Variants in IKBKB observed in about 807,000 individuals in gnomAD.
The protein encoded by IKBKB is inhibitor of nuclear factor kappa-B kinase subunit beta.
A neutral mutation model predicts 113.6 loss-of-function variants in IKBKB; 42 were observed. The observed-to-expected ratio is 0.37, with a 90% CI of 0.29 to 0.48. IKBKB has a LOEUF of 0.48. Among genes scored for constraint, IKBKB ranks in the 20% least tolerant of loss-of-function variants. The pLI, the probability that IKBKB is intolerant of heterozygous loss-of-function variation, is 0.99. For missense variants in IKBKB, 673 were observed against 939.7 expected (o/e 0.72, Z 3.71); for synonymous variants, 296 against 361.3 (o/e 0.82, Z 2.05).
intron 2 of IKBKB, among the ~76,000 whole-genome samples, chr8:42,283,914 G>T (rs923311640): frequency 2.6e-5 from 4 of 152,140 alleles, no homozygotes; most frequent in African/African-American, 4.8e-5. Context: ...AGTGTCCATG[G>T]AAATGTTGCA....
In IKBKB at chr8:42,314,414, C is replaced by T. The variant is rs755044020; in HGVS notation, c.785C>T (p.Pro262Leu). 4 of 1,603,446 alleles carry T rather than the reference C, an allele frequency of 2.5e-6. No homozygotes were observed. The highest frequency in any genetic ancestry group is 2.2e-5 in the East Asian group (1 of 44,822). Residue 262 changes from proline (P) to leucine (L), a missense_variant, in exon 9 of 22, where the codon CCC becomes CTC. Physicochemically the swap from Pro to Leu is moderately conservative, Grantham distance 98. Coordinates refer to ENST00000520810, the MANE Select transcript of IKBKB (RefSeq NM_001556.3). ...TVKFSSSLPYPNNLNSVLAER... is the reference protein window; with the variant it reads ...TVKFSSSLPYLNNLNSVLAER... ...AAGTTTTCAAGCTCTTTACCCTACCCCAATAATCTTAACAGGTAAGGCACA... is the reference window on the plus strand; with the variant it reads ...AAGTTTTCAAGCTCTTTACCCTACCTCAATAATCTTAACAGGTAAGGCACA...
At chr8:42,293,298 C>A in intron 4 of IKBKB, 145 bp from the exon 5 acceptor site, 2 of 913,392 alleles carry the variant, frequency 2.2e-6, no homozygotes, top group Non-Finnish European at 3.4e-6. Flanking sequence ...GCTAGTTCTG[C>A]AGCCCTGGCT....
chr8:42,321,981 T>C (rs199662634), intron 17 of IKBKB, 36 bp downstream of exon 17: 1 of 1,609,370 alleles, frequency 6.2e-7, no homozygotes, highest in Non-Finnish European at 8.5e-7. Context: ...GGGCTTCTCC[T>C]TATCTCATTT....
Position 42,331,030 on chromosome 8 carries a change from G to A in IKBKB, c.*51G>A, listed in dbSNP as rs749599516. On this transcript the variant is annotated 3_prime_UTR_variant, in exon 22 of 22. Coordinates refer to ENST00000520810, the MANE Select transcript of IKBKB (RefSeq NM_001556.3). Reference sequence around the variant, plus strand: ...TGGGGCAGCCCATAGCAGGCCTTGTGCAGTGGGGGGACTCGACCCCCTGAC... The same window carrying A: ...TGGGGCAGCCCATAGCAGGCCTTGTACAGTGGGGGGACTCGACCCCCTGAC... 4.4e-6 allele frequency: 7 copies of A among 1,599,056 alleles called. No individual in the cohort carries two copies. In the East Asian group the frequency reaches 1.6e-4, roughly 36 times the overall value.
Position 42,295,589 on chromosome 8 carries a change from G to A in IKBKB, c.388+2077G>A, listed in dbSNP as rs530824121. 1.9e-3 allele frequency among the ~76,000 whole-genome samples: 296 copies of A among 152,296 alleles called. 3 individuals are homozygous for A. In the Middle Eastern group the frequency reaches 0.024, roughly 12 times the overall value. ...AAAACACAAAAATTAGCTGGGCATG[G>A]TGACGGGCGCCTGTAATCCCAGCTA... is the stretch of plus-strand genomic sequence containing the variant. On this transcript the variant is annotated intron_variant, in intron 5 of 21. Coordinates refer to ENST00000520810, the MANE Select transcript of IKBKB (RefSeq NM_001556.3).
chr8:42,285,255 C>G (rs2130234558), intron 2 of IKBKB, among the ~76,000 whole-genome samples: 1 of 152,214 alleles, frequency 6.6e-6, no homozygotes, highest in East Asian at 1.9e-4. Flanking sequence ...AGTTTAATAG[C>G]AACAAGGTGG....
intron 5 of IKBKB, among the ~76,000 whole-genome samples, chr8:42,304,619 T>C (rs943572888): frequency 1.3e-5 from 2 of 152,210 alleles, no homozygotes; most frequent in African/African-American, 4.8e-5. Flanking sequence ...GAGGTGTCCC[T>C]GTTCTCCTCT....
chr8:42,292,609 C>T (rs1040812281), intron 4 of IKBKB, among the ~76,000 whole-genome samples: 3 of 152,186 alleles, frequency 2.0e-5, no homozygotes, highest in Non-Finnish European at 4.4e-5. Flanking sequence ...ATGCTGGGTA[C>T]GTAAACAGAT....
intron 12 of IKBKB, 76 bp from the exon 13 acceptor site, chr8:42,318,476 C>T (rs778071278): frequency 7.2e-6 from 11 of 1,531,772 alleles, no homozygotes; most frequent in African/African-American, 1.4e-5. Context: ...CCAGTAGTGT[C>T]GAAGGCAGGA....
chr8:42,307,284 GAA>G (rs1816732448), intron 7 of IKBKB, among the ~76,000 whole-genome samples: 1 of 152,174 alleles, frequency 6.6e-6, no homozygotes, highest in African/African-American at 2.4e-5. Context: ...GCACAAAAGG[GAA>G]AGAGAGTCTT....
chr8:42,281,580 CT>C (rs1810381275), intron 2 of IKBKB, among the ~76,000 whole-genome samples: 2 of 152,164 alleles, frequency 1.3e-5, no homozygotes, highest in Non-Finnish European at 2.9e-5. Context: ...TCATGGCCCT[CT>C]TAGCGTAGAC....
chr8:42,290,471 T>A (rs1812384789), intron 4 of IKBKB, among the ~76,000 whole-genome samples, 198 bp downstream of exon 4: 1 of 152,070 alleles, frequency 6.6e-6, no homozygotes, highest in Non-Finnish European at 1.5e-5. Flanking sequence ...CAGAGGCGCT[T>A]CCGAGAACAC....
At chr8:42,281,103 G>C (rs1297246294) in intron 2 of IKBKB, among the ~76,000 whole-genome samples, 1 of 152,116 alleles carries the variant, frequency 6.6e-6, no homozygotes, top group African/African-American at 2.4e-5. Flanking sequence ...ATTTTTCCAG[G>C]GCATCATGTG....
intron 16 of IKBKB, 95 bp from the exon 17 acceptor site, chr8:42,321,800 CT>C: frequency 1.2e-6 from 1 of 841,048 alleles, no homozygotes; most frequent in East Asian, 2.6e-5. Context: ...CGAGACCAGC[CT>C]GGGCAACATG....
intron 12 of IKBKB, among the ~76,000 whole-genome samples, chr8:42,318,250 G>A (rs1163717655): frequency 1.3e-5 from 2 of 149,716 alleles, no homozygotes; most frequent in South Asian, 2.1e-4. Flanking sequence ...TGACAAGAGC[G>A]AGACCTTGTC....
Position 42,293,450 on chromosome 8 carries a change from A to C in IKBKB, c.326A>C (p.Asn109Thr). The C allele has an allele frequency of 6.2e-7, 1 of 1,614,196 alleles. No homozygotes were observed. Reference sequence around the variant, plus strand: ...TTTTCACTTTCTTGACAGTACCTGAACCAGTTTGAGAACTGCTGTGGTCTG... The same window carrying C: ...TTTTCACTTTCTTGACAGTACCTGACCCAGTTTGAGAACTGCTGTGGTCTG... The part of the protein sequence containing the change: ...CQGGDLRKYL[N>T]QFENCCGLRE... Residue 109 changes from asparagine to threonine, a missense_variant, in exon 5 of 22, where the codon AAC becomes ACC. Asn to Thr is a moderately conservative substitution (Grantham distance 65). Around this residue, in one of 2 missense-constraint regions of IKBKB, gnomAD observed 167 missense variants for 301.0 expected, o/e 0.55. Transcript: ENST00000520810.
chr8:42,289,891 G>A (rs1037477525), intron 3 of IKBKB, among the ~76,000 whole-genome samples: 4 of 152,206 alleles, frequency 2.6e-5, no homozygotes, highest in East Asian at 1.9e-4. Flanking sequence ...TTGGCAGCAC[G>A]ATGAGGACTT....
intron 19 of IKBKB, 91 bp from the exon 20 acceptor site, chr8:42,325,879 C>T: frequency 6.4e-7 from 1 of 1,565,790 alleles, no homozygotes; most frequent in Non-Finnish European, 8.6e-7. Context: ...CTCTGGCAGC[C>T]AGCCAGTTGT....
chr8:42,298,995 C>A (rs549367102), intron 5 of IKBKB, among the ~76,000 whole-genome samples: 1 of 152,216 alleles, frequency 6.6e-6, no homozygotes, highest in African/African-American at 2.4e-5. Context: ...CCTGGCCGTT[C>A]TTGTGGCCTG....
Sources: gnomAD v4.1 joint callset for allele counts (sites outside exome capture counted in the v4.1 genomes callset) on GRCh38, gnomAD v4.1.1 for gene constraint, gnomAD v4.1.1 regional missense constraint, MANE v1.5 for transcripts, NCBI Gene and HGNC (gene_info 2026-07-23, HGNC 2026-07-21) for gene names.